PHAF1: variants seen among roughly 807,000 people sequenced by gnomAD.
The protein encoded by PHAF1 is phagophore assembly factor 1, also known as phagosome assembly factor 1.
PHAF1 carries 23 observed loss-of-function variants against 63.1 expected under a neutral mutation model. The ratio of observed to expected loss-of-function variants is 0.36; its 90% CI spans 0.26 to 0.52. The LOEUF is 0.52. Among genes scored for constraint, PHAF1 ranks in the 20% least tolerant of loss-of-function variants. PHAF1 has a pLI of 0.93. For synonymous variants in PHAF1, 167 were observed against 185.0 expected (o/e 0.90, Z 0.79); for missense variants, 427 against 517.2 (o/e 0.83, Z 1.69).
chr16:67,137,762 G>A (rs1402752530), intron 8 of PHAF1, among the ~76,000 whole-genome samples: 1 of 152,208 alleles, frequency 6.6e-6, no homozygotes, highest in African/African-American at 2.4e-5. Flanking sequence ...AGCAGGAGGA[G>A]CCTGTCGAGG....
intron 6 of PHAF1, among the ~76,000 whole-genome samples, chr16:67,133,779 CAAAA>C (rs534311560): frequency 2.9e-5 from 3 of 103,138 alleles, no homozygotes; most frequent in African/African-American, 3.6e-5. Context: ...GACTCCGTCT[CAAAA>C]AAAAAAAAAA....
At chr16:67,135,122 G>C (rs561869255) in intron 8 of PHAF1, 1 of 163,564 alleles carries the variant, frequency 6.1e-6, no homozygotes, top group South Asian at 1.6e-4. Context: ...GGGTTGCAGT[G>C]CTACTGCTCT....
intron 2 of PHAF1, among the ~76,000 whole-genome samples, chr16:67,121,730 A>G (rs545162162): frequency 6.6e-6 from 1 of 150,966 alleles, no homozygotes; most frequent in Admixed American, 6.6e-5. Flanking sequence ...ACAGGCATGT[A>G]CCACCACTCC....
chr16:67,110,281 T>C, intron 1 of PHAF1, 42 bp downstream of exon 1: 1 of 1,546,388 alleles, frequency 6.5e-7, no homozygotes, highest in Non-Finnish European at 8.8e-7. Context: ...TCGCTGATCC[T>C]TGCTTTCTCC....
chr16:67,142,888 C>T (rs1184287825), intron 10 of PHAF1, among the ~76,000 whole-genome samples: 1 of 152,202 alleles, frequency 6.6e-6, no homozygotes, highest in Non-Finnish European at 1.5e-5. Flanking sequence ...CAGTCGGCAT[C>T]CTTGCAGCGG....
intron 15 of PHAF1, 24 bp downstream of exon 15, chr16:67,146,374 TA>T: frequency 6.2e-7 from 1 of 1,606,342 alleles, no homozygotes; most frequent in Non-Finnish European, 8.5e-7. Flanking sequence ...GCCCTAGAAA[TA>T]AACTGCCTGG....
Position 67,140,535 on chromosome 16 carries a change from C to A in PHAF1, c.820C>A (p.His274Asn). 1 of 1,598,108 alleles carries A rather than the reference C, an allele frequency of 6.3e-7. No homozygotes were observed. The highest frequency in any genetic ancestry group is 8.6e-7 in the Non-Finnish European group (1 of 1,165,324). ...GATGAAAATTCATTCTCCTTCCCCTCATAAACAAGTTCCATCGAAGTGTAA... is the reference window on the plus strand; with the variant it reads ...GATGAAAATTCATTCTCCTTCCCCTAATAAACAAGTTCCATCGAAGTGTAA... Reference protein sequence around the residue: ...DKMKIHSPSPHKQVPSKCNDY... With the variant: ...DKMKIHSPSPNKQVPSKCNDY... Residue 274 changes from histidine to asparagine, a missense_variant, in exon 10 of 16, where the codon CAT (histidine) becomes AAT (asparagine). Transcript: ENST00000219139.
At chr16:67,124,018 A>G (rs1963088944) in intron 2 of PHAF1, among the ~76,000 whole-genome samples, 1 of 152,208 alleles carries the variant, frequency 6.6e-6, no homozygotes, top group South Asian at 2.1e-4. Context: ...TTTTAGAGAT[A>G]TAAAGTATTA....
chr16:67,119,388 C>T lies in PHAF1; in HGVS notation c.65-724C>T, dbSNP rs535607615. Among the ~76,000 whole-genome samples the T allele has an allele frequency of 1.6e-4, 25 of 152,224 alleles. 1 individual carries two copies. Among genetic ancestry groups the T allele is most frequent in the African/African-American group, 5.8e-4 (24 of 41,542 alleles). On this transcript the variant is annotated intron_variant, in intron 1 of 15. Transcript: ENST00000219139. ...CCTCCCATCCCCTTCCATGCATGTC[C>T]AACCTTTTGGCTTCCCTGGGCCACA... is the stretch of plus-strand genomic sequence containing the variant.
chr16:67,137,463 C>T (rs1198579327), intron 8 of PHAF1, among the ~76,000 whole-genome samples: 1 of 152,052 alleles, frequency 6.6e-6, no homozygotes, highest in East Asian at 1.9e-4. Context: ...GGATTACAGA[C>T]GTGTGCCACC....
intron 15 of PHAF1, among the ~76,000 whole-genome samples, 178 bp downstream of exon 15, chr16:67,146,528 A>G (rs1365314325): frequency 6.6e-6 from 1 of 152,246 alleles, no homozygotes; most frequent in East Asian, 1.9e-4. Flanking sequence ...ATGAAGGTTC[A>G]GAAATGATGT....
intron 1 of PHAF1, among the ~76,000 whole-genome samples, chr16:67,115,205 C>T (rs1032039517): frequency 6.6e-6 from 1 of 152,178 alleles, no homozygotes; most frequent in Admixed American, 6.5e-5. Context: ...GTGCCAGGCA[C>T]AGTGATTGGG....
chr16:67,145,260 T>C, intron 12 of PHAF1, 116 bp from the exon 13 acceptor site: 4 of 1,178,918 alleles, frequency 3.4e-6, no homozygotes, highest in South Asian at 1.4e-5. Flanking sequence ...CTGTTAATCC[T>C]CCCCATGTAC....
chr16:67,140,163 T>G (rs949188731), intron 9 of PHAF1, 46 bp downstream of exon 9: 8 of 1,583,268 alleles, frequency 5.1e-6, no homozygotes, highest in Non-Finnish European at 6.0e-6. Context: ...TAATCAACAC[T>G]AATTTAATAT....
At chr16:67,139,382 T>C in intron 8 of PHAF1, among the ~76,000 whole-genome samples, 1 of 135,320 alleles carries the variant, frequency 7.4e-6, no homozygotes, top group South Asian at 2.4e-4. Context: ...ACTGTCTCAG[T>C]CTGTCACCCA....
At position 67,127,567 on chromosome 16, in the gene PHAF1, C is replaced by T. The variant is rs1338202141; in HGVS notation, c.231+1525C>T. 9.9e-5 allele frequency among the ~76,000 whole-genome samples: 15 copies of T among 152,172 alleles called. No homozygotes were observed. The East Asian group carries it at 2.1e-3, about 22-fold the overall frequency. On this transcript the variant is annotated intron_variant, in intron 3 of 15. Coordinates refer to ENST00000219139, the MANE Select transcript of PHAF1 (RefSeq NM_025187.5). ...ATCCCAGCACTTTGGGAGGCTGAGGCGGGTGGATCACGAGGTCAGGAGATC... is the reference window on the plus strand; with the variant it reads ...ATCCCAGCACTTTGGGAGGCTGAGGTGGGTGGATCACGAGGTCAGGAGATC...
chr16:67,140,710 C>G, intron 10 of PHAF1, 116 bp downstream of exon 10: 1 of 833,546 alleles, frequency 1.2e-6, no homozygotes, highest in Non-Finnish European at 1.9e-6. Context: ...GGGAACCTAG[C>G]CCCAGCTGTC....
At position 67,147,158 on chromosome 16, in the gene PHAF1, C is replaced by A. The variant is rs1363903202; in HGVS notation, c.*27C>A. Reference sequence around the variant, plus strand: ...GACACCACCACCCATGCCCCTCTGTCCCGTGGAACTGTGCATCACATCCTG... The same window carrying A: ...GACACCACCACCCATGCCCCTCTGTACCGTGGAACTGTGCATCACATCCTG... On this transcript the variant is annotated 3_prime_UTR_variant, in exon 16 of 16. Coordinates refer to ENST00000219139, the MANE Select transcript of PHAF1 (RefSeq NM_025187.5). 4.4e-6 allele frequency: 7 copies of A among 1,576,032 alleles called. No homozygotes were observed. In the Admixed American group the frequency reaches 8.3e-5, roughly 19 times the overall value.
chr16:67,133,012 C>A, intron 6 of PHAF1, 101 bp downstream of exon 6: 1 of 966,978 alleles, frequency 1.0e-6, no homozygotes, highest in Non-Finnish European at 1.6e-6. Context: ...ATTAGATAGG[C>A]AGACTTTCTT....
Sources: allele counts gnomAD v4.1 joint callset (sites outside exome capture counted in the v4.1 genomes callset), GRCh38; gene constraint gnomAD v4.1.1; transcripts MANE v1.5; gene names NCBI Gene and HGNC (gene_info 2026-07-23, HGNC 2026-07-21).